MRPL47: variants seen among roughly 807,000 people sequenced by gnomAD.
The protein encoded by MRPL47 is mitochondrial ribosomal protein L47, also known as large ribosomal subunit protein uL29m.
In MRPL47, 31 loss-of-function variants were observed where a neutral mutation model predicts 34.0. The observed-to-expected ratio is 0.91, with a 90% CI of 0.68 to 1.23. The LOEUF (loss-of-function observed/expected upper bound fraction) is 1.23, where lower values mean the gene tolerates loss of function less well. MRPL47 is among the 50% of genes most tolerant of loss of function. The pLI, the probability that MRPL47 is intolerant of heterozygous loss-of-function variation, is 0.00. For synonymous variants in MRPL47, 106 were observed against 101.6 expected (o/e 1.04, Z -0.26); for missense variants, 328 against 285.8 (o/e 1.15, Z -1.07).
chr3:179,604,486 A>C (rs1290903958), intron 1 of MRPL47, 41 bp downstream of exon 1: 1 of 1,568,768 alleles, frequency 6.4e-7, no homozygotes, highest in Non-Finnish European at 8.7e-7. Context: ...ACAAGATCCA[A>C]AGTTGGAGAG....
At chr3:179,602,321 G>A (rs1718944755) in intron 2 of MRPL47, among the ~76,000 whole-genome samples, 1 of 152,084 alleles carries the variant, frequency 6.6e-6, no homozygotes, top group Non-Finnish European at 1.5e-5. Flanking sequence ...CCCAGTCTGG[G>A]CAACAAGAGC....
At chr3:179,601,673 A>G (rs1055881173) in intron 3 of MRPL47, 57 bp downstream of exon 3, 3 of 1,066,708 alleles carry the variant, frequency 2.8e-6, no homozygotes, top group African/African-American at 1.6e-5. Flanking sequence ...TTTTCACCTC[A>G]TTGTTACACT....
Position 179,598,712 on chromosome 3 carries a change from T to C in MRPL47, c.365A>G (p.Gln122Arg). 1 of 1,613,352 alleles carries C rather than the reference T, an allele frequency of 6.2e-7. No individual in the cohort carries two copies. Among genetic ancestry groups the C allele is most frequent in the Non-Finnish European group, 8.5e-7 (1 of 1,179,380 alleles). Residue 122 changes from glutamine to arginine, a missense_variant, in exon 4 of 7, where the codon CAG (glutamine) becomes CGG (arginine). Transcript: ENST00000476781. ...CTCTGGACTTGGCATTGGCAATCTC[T>C]GCCGCTTGGCCTCCTGCTCTAGGGT... ...LLTLEQEAKRQRLPMPSPERL... is the reference protein window; with the variant it reads ...LLTLEQEAKRRRLPMPSPERL...
At chr3:179,602,505 C>G (rs910228700) in intron 2 of MRPL47, 147 bp downstream of exon 2, 30 of 524,382 alleles carry the variant, frequency 5.7e-5, no homozygotes, top group Non-Finnish European at 9.6e-5. Flanking sequence ...CTTTAATTTT[C>G]TCTAGTAGAC....
intron 4 of MRPL47, among the ~76,000 whole-genome samples, chr3:179,597,322 A>G (rs1361584000): frequency 6.6e-6 from 1 of 152,164 alleles, no homozygotes; most frequent in African/African-American, 2.4e-5. Context: ...ATGTCCTTCC[A>G]TCTTAAAGGC....
At position 179,588,913 on chromosome 3, in the gene MRPL47, A is replaced by G. The variant is rs781626814; in HGVS notation, c.712T>C (p.Phe238Leu). 1.2e-6 allele frequency: 2 copies of G among 1,613,782 alleles called. No individual in the cohort carries two copies. The highest frequency in any genetic ancestry group is 2.2e-5 in the South Asian group (2 of 91,026). Reference protein sequence around the residue: ...RKKAKILLKKFPHLAEAQKSS... With the variant: ...RKKAKILLKKLPHLAEAQKSS... ...TTTTGGGCTTCAGCAAGATGTGGAA[A>G]CTTTTTTAAAAGAATTTTTGCTTTC... The change falls in exon 7 of 7, where the codon TTT becomes CTT. Residue 238 changes from phenylalanine (F) to leucine (L), a missense_variant. By Grantham distance (22) the Phe-to-Leu change is conservative (BLOSUM62 0). Coordinates refer to ENST00000476781, the MANE Select transcript of MRPL47 (RefSeq NM_020409.3).
At chr3:179,591,655 C>T (rs983004135) in intron 6 of MRPL47, among the ~76,000 whole-genome samples, 1 of 152,180 alleles carries the variant, frequency 6.6e-6, no homozygotes, top group Non-Finnish European at 1.5e-5. Context: ...CTTCCTAGCG[C>T]CATTTCTTTT....
intron 4 of MRPL47, among the ~76,000 whole-genome samples, chr3:179,594,448 C>G (rs972028153): frequency 6.6e-6 from 1 of 152,060 alleles, no homozygotes; most frequent in African/African-American, 2.4e-5. Context: ...TTTAAGATTT[C>G]TATTGTTTTA....
At chr3:179,600,781 C>A (rs1718909395) in intron 3 of MRPL47, among the ~76,000 whole-genome samples, 1 of 152,188 alleles carries the variant, frequency 6.6e-6, no homozygotes, top group Non-Finnish European at 1.5e-5. Flanking sequence ...GGGGCAGTTG[C>A]TCCACACACC....
intron 4 of MRPL47, among the ~76,000 whole-genome samples, chr3:179,597,857 T>C (rs1182053942): frequency 6.6e-6 from 1 of 152,154 alleles, no homozygotes; most frequent in African/African-American, 2.4e-5. Flanking sequence ...ATTGTAAATA[T>C]ACTAAACACT....
intron 4 of MRPL47, among the ~76,000 whole-genome samples, chr3:179,597,385 A>C (rs182588126): frequency 2.6e-5 from 4 of 152,216 alleles, no homozygotes; most frequent in Non-Finnish European, 5.9e-5. Flanking sequence ...TAAAGTAGCT[A>C]AGGTTAGGTA....
intron 3 of MRPL47, 71 bp from the exon 4 acceptor site, chr3:179,598,842 C>A (rs567078621): frequency 1.8e-6 from 2 of 1,109,394 alleles, no homozygotes; most frequent in South Asian, 1.2e-5. Flanking sequence ...TTTCTGACAT[C>A]AAAATTAATT....
intron 4 of MRPL47, among the ~76,000 whole-genome samples, chr3:179,594,714 C>T (rs542101621): frequency 6.6e-6 from 1 of 151,950 alleles, no homozygotes; most frequent in African/African-American, 2.4e-5. Flanking sequence ...AAACTCCTGG[C>T]CCCAGGTGAT....
intron 6 of MRPL47, among the ~76,000 whole-genome samples, chr3:179,589,208 C>A (rs1035793942): frequency 6.6e-6 from 1 of 152,184 alleles, no homozygotes; most frequent in African/African-American, 2.4e-5. Context: ...ATCCCTATTT[C>A]CTGACTAGAA....
intron 4 of MRPL47, 135 bp from the exon 5 acceptor site, chr3:179,594,030 C>T: frequency 2.5e-6 from 2 of 792,108 alleles, no homozygotes; most frequent in South Asian, 1.9e-5. Flanking sequence ...TAAGTATTTC[C>T]TAAAAATCTT....
At chr3:179,604,401 G>A in intron 1 of MRPL47, 126 bp downstream of exon 1, 2 of 809,666 alleles carry the variant, frequency 2.5e-6, no homozygotes, top group Middle Eastern at 3.6e-4. Context: ...TCACCAAAGT[G>A]GGCTCCGGCT....
Position 179,598,716 on chromosome 3 carries a change from G to A in MRPL47, c.361C>T (p.Arg121Trp), listed in dbSNP as rs767586121. The A allele has an allele frequency of 2.5e-5, 41 of 1,612,946 alleles. No individual in the cohort carries two copies. The South Asian group carries it at 3.1e-4, about 12-fold the overall frequency. Residue 121 changes from arginine to tryptophan, a missense_variant, in exon 4 of 7, where the codon CGG becomes TGG. Transcript: ENST00000476781. ...GGACTTGGCATTGGCAATCTCTGCCGCTTGGCCTCCTGCTCTAGGGTTAGA... is the reference window on the plus strand; with the variant it reads ...GGACTTGGCATTGGCAATCTCTGCCACTTGGCCTCCTGCTCTAGGGTTAGA... ...MLLTLEQEAK[R>W]QRLPMPSPER... is the part of the protein sequence containing the mutation.
chr3:179,588,625 T>A lies in MRPL47; in HGVS notation c.*247A>T. ...CACACTCTAAGGTAGCAGGTGACAT[T>A]TAAAGCCTGCTTAAATGTCAGAATT... On this transcript the variant is annotated 3_prime_UTR_variant, in exon 7 of 7. Coordinates refer to ENST00000476781, the MANE Select transcript of MRPL47 (RefSeq NM_020409.3). 3.2e-6 allele frequency: 1 copy of A among 312,756 alleles called. No homozygotes were observed. Among genetic ancestry groups the A allele is most frequent in the East Asian group, 5.9e-5 (1 of 17,048 alleles). The allele number at this position is 312,756 out of a possible 1,614,324, so 19.4% of individuals were successfully genotyped here.
intron 5 of MRPL47, 143 bp downstream of exon 5, chr3:179,593,622 G>T: frequency 1.6e-6 from 1 of 637,532 alleles, no homozygotes; most frequent in Non-Finnish European, 2.4e-6. Flanking sequence ...AAGTCCAAAG[G>T]GGTGTGGGGC....
Sources: allele counts gnomAD v4.1 joint callset (sites outside exome capture counted in the v4.1 genomes callset), GRCh38; gene constraint gnomAD v4.1.1; transcripts MANE v1.5; gene names NCBI Gene and HGNC (gene_info 2026-07-23, HGNC 2026-07-21).